The following GPC5 variants were observed in gnomAD, a reference collection of about 807,000 sequenced individuals.
GPC5 encodes the protein glypican-5.
A neutral mutation model predicts 53.9 loss-of-function variants in GPC5; 47 were observed. The ratio of observed to expected loss-of-function variants is 0.87; its 90% CI spans 0.69 to 1.11. The LOEUF is 1.11. GPC5 is among the 50% of genes most tolerant of loss of function. The pLI, the probability that GPC5 is intolerant of heterozygous loss-of-function variation, is 0.00. For synonymous variants in GPC5, 286 were observed against 263.3 expected, an observed-to-expected ratio of 1.09 and a Z score of -0.84; for missense variants, 748 against 713.1, an observed-to-expected ratio of 1.05 and a Z score of -0.56.
chr13:92,487,103 GC>G (rs1879584087), intron 7 of GPC5, among the ~76,000 whole-genome samples: 1 of 152,098 alleles, frequency 6.6e-6, no homozygotes, highest in African/African-American at 2.4e-5. Context: ...TGATCTGCCT[GC>G]CTCAGCCTCC....
At chr13:92,742,539 C>T (rs1300299692) in intron 7 of GPC5, among the ~76,000 whole-genome samples, 1 of 146,586 alleles carries the variant, frequency 6.8e-6, no homozygotes, top group Non-Finnish European at 1.5e-5. Context: ...GTTGCCTGTT[C>T]ACTCTGACGG....
At chr13:91,842,704 CAAAAAAAAAAAAAAAA>C (rs58660493) in intron 5 of GPC5, among the ~76,000 whole-genome samples, 2 of 58,838 alleles carry the variant, frequency 3.4e-5, no homozygotes, top group South Asian at 8.2e-4. Flanking sequence ...GACTCCGTCT[CAAAAAAAAAAAAAAAA>C]AAAAAAAAAA....
intron 6 of GPC5, among the ~76,000 whole-genome samples, chr13:91,941,527 T>C (rs1353840289): frequency 6.6e-6 from 1 of 152,128 alleles, no homozygotes; most frequent in Non-Finnish European, 1.5e-5. Context: ...TTCACTTTTC[T>C]GGGCAACATT....
At position 91,693,529 on chromosome 13, in the gene GPC5, G is replaced by T. The variant is rs201373834; in HGVS notation, c.668G>T (p.Arg223Leu). 4.3e-6 allele frequency: 7 copies of T among 1,614,002 alleles called. No homozygotes were observed. The Admixed American group carries it at 8.3e-5, about 19-fold the overall frequency. The change falls in exon 3 of 8, where the codon CGC becomes CTC. Residue 223 changes from arginine (R) to leucine (L), a missense_variant. Transcript: ENST00000377067. The part of the protein sequence containing the change: ...GQMGRSLLPS[R>L]TFLQALNLGI... Reference sequence around the variant, plus strand: ...ATGGGGAGGTCCCTGCTGCCCAGCCGCACTTTTCTGCAGGCACTCAATCTG... The same window carrying T: ...ATGGGGAGGTCCCTGCTGCCCAGCCTCACTTTTCTGCAGGCACTCAATCTG...
intron 2 of GPC5, among the ~76,000 whole-genome samples, chr13:91,568,942 G>C (rs751207771): frequency 2.0e-5 from 3 of 151,696 alleles, no homozygotes; most frequent in Non-Finnish European, 2.9e-5. Context: ...GTAGAAACAG[G>C]GTTTTACCAT....
At chr13:92,837,946 T>A (rs1368279656) in intron 7 of GPC5, among the ~76,000 whole-genome samples, 1 of 151,460 alleles carries the variant, frequency 6.6e-6, no homozygotes, top group Non-Finnish European at 1.5e-5. Context: ...TACAAAAAAA[T>A]TAGCCAGGCG....
At chr13:92,048,157 T>C (rs1372692329) in intron 6 of GPC5, among the ~76,000 whole-genome samples, 2 of 152,162 alleles carry the variant, frequency 1.3e-5, no homozygotes, top group East Asian at 3.8e-4. Flanking sequence ...TCTTCTCATA[T>C]GTATTGTTTA....
At chr13:91,924,733 C>T (rs2039750343) in intron 6 of GPC5, among the ~76,000 whole-genome samples, 1 of 151,742 alleles carries the variant, frequency 6.6e-6, no homozygotes, top group African/African-American at 2.4e-5. Flanking sequence ...ATAGTGAGAT[C>T]TTGTATCAAA....
intron 7 of GPC5, among the ~76,000 whole-genome samples, chr13:92,463,367 C>T (rs1263312407): frequency 2.0e-5 from 3 of 152,200 alleles, no homozygotes; most frequent in Non-Finnish European, 4.4e-5. Context: ...CACCGTCTAA[C>T]TCTATTCTGG....
chr13:91,604,045 G>A (rs2033271433), intron 2 of GPC5, among the ~76,000 whole-genome samples: 1 of 148,166 alleles, frequency 6.7e-6, no homozygotes, highest in South Asian at 2.2e-4. Flanking sequence ...CTGGTGCGCT[G>A]CACCCACTAA....
At position 91,830,044 on chromosome 13, in the gene GPC5, G is replaced by C. The variant is rs563926576; in HGVS notation, c.1280+73624G>C. Among the ~76,000 whole-genome samples, 7 of 152,116 alleles carry C rather than the reference G, an allele frequency of 4.6e-5. 1 individual carries two copies. The highest frequency in any genetic ancestry group is 1.7e-4 in the African/African-American group (7 of 41,548). On this transcript the variant is annotated intron_variant, in intron 5 of 7. Transcript: ENST00000377067. ...AACCGGTCTGACCAAAATTTATTAGGTGGGAATTTCTTCTTCCTAAGAAGC... is the reference window on the plus strand; with the variant it reads ...AACCGGTCTGACCAAAATTTATTAGCTGGGAATTTCTTCTTCCTAAGAAGC...
At chr13:92,640,372 G>T (rs908014084) in intron 7 of GPC5, among the ~76,000 whole-genome samples, 7 of 152,040 alleles carry the variant, frequency 4.6e-5, no homozygotes, top group Non-Finnish European at 8.8e-5. Flanking sequence ...CCATTCTCCT[G>T]CCTCAGCCTC....
chr13:92,045,076 G>C (rs947655073), intron 6 of GPC5, among the ~76,000 whole-genome samples: 1 of 152,150 alleles, frequency 6.6e-6, no homozygotes, highest in Non-Finnish European at 1.5e-5. Context: ...AATATAGCTT[G>C]GATTTCAAAC....
chr13:92,644,884 A>AAT (rs1371698401), intron 7 of GPC5, among the ~76,000 whole-genome samples: 1 of 151,712 alleles, frequency 6.6e-6, no homozygotes, highest in Non-Finnish European at 1.5e-5. Flanking sequence ...ACTGTAAAAA[A>AAT]AAAATGGAAG....
chr13:92,482,801 G>A (rs1197354290), intron 7 of GPC5, among the ~76,000 whole-genome samples: 19 of 152,118 alleles, frequency 1.2e-4, no homozygotes, highest in Admixed American at 1.2e-3. Flanking sequence ...TAAATCAGTA[G>A]GAAGAAAGAA....
chr13:91,678,749 G>A (rs201814175), intron 2 of GPC5, among the ~76,000 whole-genome samples: 1 of 137,620 alleles, frequency 7.3e-6, no homozygotes, highest in African/African-American at 2.8e-5. Context: ...TTTTTTTTTT[G>A]TACATTTGTG....
intron 2 of GPC5, among the ~76,000 whole-genome samples, chr13:91,543,223 C>T (rs1396442661): frequency 6.6e-6 from 1 of 151,978 alleles, no homozygotes; most frequent in Non-Finnish European, 1.5e-5. Flanking sequence ...GAACTCCTGA[C>T]CTCAGGTGAT....
chr13:92,513,768 T>A (rs1242354891), intron 7 of GPC5, among the ~76,000 whole-genome samples: 3 of 152,170 alleles, frequency 2.0e-5, no homozygotes, highest in Non-Finnish European at 2.9e-5. Flanking sequence ...ACAATATTTA[T>A]GTTTTATATA....
chr13:91,645,365 G>A (rs2034533647), intron 2 of GPC5, among the ~76,000 whole-genome samples: 1 of 152,106 alleles, frequency 6.6e-6, no homozygotes, highest in South Asian at 2.1e-4. Flanking sequence ...GCTTAGTGAT[G>A]TGGTCTTGAC....
Sources: gnomAD v4.1 joint callset for allele counts (sites outside exome capture counted in the v4.1 genomes callset) on GRCh38, gnomAD v4.1.1 for gene constraint, MANE v1.5 for transcripts, NCBI Gene and HGNC (gene_info 2026-07-23, HGNC 2026-07-21) for gene names.